Variants in ZNF396 observed in about 807,000 individuals in gnomAD.
ZNF396 encodes zinc finger and SCAN domain-containing protein 14.
A neutral mutation model predicts 20.5 loss-of-function variants in ZNF396; 14 were observed. That is an observed-to-expected ratio of 0.68 (90% confidence interval 0.45 to 1.07). ZNF396 has a LOEUF of 1.07. Ranked by LOEUF, ZNF396 falls within the 50% of genes least tolerant of loss-of-function variation. The pLI, the probability that ZNF396 is intolerant of heterozygous loss-of-function variation, is 0.00. For synonymous variants in ZNF396, 119 were observed against 140.6 expected (o/e 0.85, Z 1.08); for missense variants, 347 against 390.1 (o/e 0.89, Z 0.93).
Position 35,368,846 on chromosome 18 carries a change from A to G in ZNF396, c.*369T>C. 3.0e-6 allele frequency: 3 copies of G among 1,010,134 alleles called. No homozygotes were observed. Among genetic ancestry groups the G allele is most frequent in the Non-Finnish European group, 3.5e-6 (3 of 846,852 alleles). The allele number at this position is 1,010,134 out of a possible 1,614,324, so 62.6% of individuals were successfully genotyped here. ...AGAATGTCTATTTTTACACTGAGTA[A>G]CTCACACATTCCTTCTCAATGAGGG... On this transcript the variant is annotated 3_prime_UTR_variant, in exon 4 of 4. Coordinates refer to ENST00000589332, the MANE Select transcript of ZNF396 (RefSeq NM_001322286.2).
In ZNF396 at chr18:35,368,517, T is replaced by TATTTATTTATTA; in HGVS notation, c.*697_*698insTAATAAATAAAT. On this transcript the variant is annotated 3_prime_UTR_variant, in exon 4 of 4. Coordinates refer to ENST00000589332, the MANE Select transcript of ZNF396 (RefSeq NM_001322286.2). The stretch of plus-strand genomic sequence containing the variant: ...TTATTTATTTATTTATTTATTTATT[T>TATTTATTTATTA]TAAAGACGGAGTCTTGCTCTGTCTG... 1.4e-6 allele frequency: 1 copy of TATTTATTTATTA among 704,348 alleles called. No homozygotes were observed. The highest frequency in any genetic ancestry group is 1.9e-6 in the Non-Finnish European group (1 of 533,506). The allele number at this position is 704,348 out of a possible 1,614,324, so 43.6% of individuals were successfully genotyped here.
rs1598699316 is a variant in ZNF396 at position 35,368,839 on chromosome 18, C to T, written c.*376G>A. 3.0e-6 allele frequency: 3 copies of T among 1,004,408 alleles called. No homozygotes were observed. Among genetic ancestry groups the T allele is most frequent in the East Asian group, 2.0e-4 (2 of 9,950 alleles). The allele number at this position is 1,004,408 out of a possible 1,614,324, so 62.2% of individuals were successfully genotyped here. On this transcript the variant is annotated 3_prime_UTR_variant, in exon 4 of 4. Transcript: ENST00000589332. ...ATGGAGGAGAATGTCTATTTTTACA[C>T]TGAGTAACTCACACATTCCTTCTCA...
Position 35,368,867 on chromosome 18 carries a change from G to A in ZNF396, c.*348C>T, listed in dbSNP as rs1208439811. On this transcript the variant is annotated 3_prime_UTR_variant, in exon 4 of 4. Transcript: ENST00000589332. ...AGTAACTCACACATTCCTTCTCAATGAGGGAAAAAACATACTTGTCTAAAA... is the reference window on the plus strand; with the variant it reads ...AGTAACTCACACATTCCTTCTCAATAAGGGAAAAAACATACTTGTCTAAAA... 1 of 1,022,974 alleles carries A rather than the reference G, an allele frequency of 9.8e-7. No homozygotes were observed. Among genetic ancestry groups the A allele is most frequent in the East Asian group, 8.8e-5 (1 of 11,346 alleles). The allele number at this position is 1,022,974 out of a possible 1,614,324, so 63.4% of individuals were successfully genotyped here.
Position 35,368,304 on chromosome 18 carries a change from T to C in ZNF396, c.*911A>G. ...CCAACACGGGAAATTAACTTGATAT[T>C]AATAGTATGGAGGCTCTTGTGTGCT... is the stretch of plus-strand genomic sequence containing the variant. On this transcript the variant is annotated 3_prime_UTR_variant, in exon 4 of 4. Coordinates refer to ENST00000589332, the MANE Select transcript of ZNF396 (RefSeq NM_001322286.2). The C allele has an allele frequency of 9.4e-7, 1 of 1,068,594 alleles. No individual in the cohort carries two copies. Among genetic ancestry groups the C allele is most frequent in the Non-Finnish European group, 1.3e-6 (1 of 775,738 alleles). The allele number at this position is 1,068,594 out of a possible 1,614,324, so 66.2% of individuals were successfully genotyped here.
At chr18:35,376,326 C>T (rs546984770) in intron 1 of ZNF396, 2 of 152,284 alleles carry the variant, frequency 1.3e-5, no homozygotes, top group East Asian at 3.9e-4. Context: ...ATGTGCCAAG[C>T]ACTGTTTTGA....
rs1295274774 is a variant in ZNF396, at chr18:35,374,277, C to G, written c.16G>C (p.Gly6Arg). The change falls in exon 2 of 4, where the codon GGA becomes CGA. Residue 6 changes from glycine to arginine, a missense_variant. By Grantham distance (125) the Gly-to-Arg change is moderately radical. Coordinates refer to ENST00000589332, the MANE Select transcript of ZNF396 (RefSeq NM_001322286.2). The surrounding 1 kb of genome is among the most constrained non-coding windows in gnomAD (Gnocchi z 4.3). MSAKL[G>R]KSSSLLTQTS... ...TGTGTTAGGAGTGATGATGACTTTC[C>G]CAATTTTGCAGACATTTTGACAGAC... 3.7e-6 allele frequency: 6 copies of G among 1,613,456 alleles called. No homozygotes were observed. Among genetic ancestry groups the G allele is most frequent in the Non-Finnish European group, 5.1e-6 (6 of 1,179,888 alleles).
At position 35,373,592 on chromosome 18, in the gene ZNF396, A is replaced by G. The variant is rs766461610; in HGVS notation, c.426T>C (p.Phe142=). The G allele has an allele frequency of 1.6e-5, 26 of 1,612,936 alleles. No individual in the cohort carries two copies. Among genetic ancestry groups the G allele is most frequent in the Non-Finnish European group, 8.5e-7 (1 of 1,179,558 alleles). The change falls in exon 3 of 4, where the codon TTT becomes TTC. Residue 142 remains phenylalanine, a synonymous_variant. Coordinates refer to ENST00000589332, the MANE Select transcript of ZNF396 (RefSeq NM_001322286.2). ...CTGCAATCATGTCCTTCCTTCGTCC[A>G]AAAAAGATCTAAAAACAGGAATAAT... The part of the protein sequence containing the change: ...RELDGPKQIF[F]GRRKDMIAEK...
In ZNF396 at chr18:35,369,376, C is replaced by T. The variant is rs769759761; in HGVS notation, c.847G>A (p.Glu283Lys). The T allele has an allele frequency of 6.8e-6, 11 of 1,614,120 alleles. No individual in the cohort carries two copies. Among genetic ancestry groups the T allele is most frequent in the East Asian group, 6.7e-5 (3 of 44,904 alleles). The change falls in exon 4 of 4, where the codon GAG becomes AAG. Residue 283 changes from glutamate to lysine, a missense_variant. Glu to Lys is a moderately conservative substitution (Grantham distance 56). Coordinates refer to ENST00000589332, the MANE Select transcript of ZNF396 (RefSeq NM_001322286.2). ...HSGKKPYACD[E>K]CAKAFSRSAI... is the part of the protein sequence containing the mutation. ...CTTCGGCTGAATGCCTTTGCACACTCGTCACATGCATAAGGTTTCTTTCCA... is the reference window on the plus strand; with the variant it reads ...CTTCGGCTGAATGCCTTTGCACACTTGTCACATGCATAAGGTTTCTTTCCA...
At chr18:35,375,584 T>A (rs1279311496) in intron 1 of ZNF396, among the ~76,000 whole-genome samples, 1 of 152,072 alleles carries the variant, frequency 6.6e-6, no homozygotes, top group African/African-American at 2.4e-5. Context: ...AAAGACTGTA[T>A]CAATTCACAA....
chr18:35,373,639 G>A, intron 2 of ZNF396, 39 bp from the exon 3 acceptor site: 1 of 1,605,090 alleles, frequency 6.2e-7, no homozygotes, highest in African/African-American at 1.3e-5. Context: ...AACACCATCA[G>A]GTTGGGACTT....
At chr18:35,369,737 G>A in intron 3 of ZNF396, 77 bp from the exon 4 acceptor site, 1 of 1,399,844 alleles carries the variant, frequency 7.1e-7, no homozygotes, top group Non-Finnish European at 9.6e-7. Flanking sequence ...TTGCTAGCAT[G>A]TTTATAAAAC....
At position 35,368,487 on chromosome 18, in the gene ZNF396, T is replaced by TTTATTTATTTATTTAG; in HGVS notation, c.*727_*728insCTAAATAAATAAATAA. The stretch of plus-strand genomic sequence containing the variant: ...AAATAGGAATTTATTTTTATTTTTA[T>TTTATTTATTTATTTAG]TTATTTATTTATTTATTTATTTATT... On this transcript the variant is annotated 3_prime_UTR_variant, in exon 4 of 4. Coordinates refer to ENST00000589332, the MANE Select transcript of ZNF396 (RefSeq NM_001322286.2). The TTTATTTATTTATTTAG allele has an allele frequency of 1.5e-6, 1 of 664,952 alleles. No individual in the cohort carries two copies. Among genetic ancestry groups the TTTATTTATTTATTTAG allele is most frequent in the Non-Finnish European group, 2.0e-6 (1 of 495,068 alleles). 41.2% of individuals were successfully genotyped at this position (664,952 alleles called of 1,614,324 possible). A position where few individuals can be genotyped will look rare whatever the true frequency, so the allele number is the denominator to read the frequency against.
In ZNF396 at chr18:35,374,224, CA is replaced by C; in HGVS notation, c.68del (p.Leu23ArgfsTer48). The stretch of plus-strand genomic sequence containing the variant: ...GCTCTTCCTCTTCCATCTTCTCTGT[CA>C]GAATCCCATTACACTCCTCTGAAGT... ...TQTSEECNGILTEKMEEEEQT... is the reference protein window; with the variant it reads ...TQTSEECNGIXTEKMEEEEQT... On this transcript the variant is annotated frameshift_variant, in exon 2 of 4. Transcript: ENST00000589332. LOFTEE classifies it high-confidence loss of function. The surrounding 1 kb of genome is among the most constrained non-coding windows in gnomAD (Gnocchi z 4.3). 1 of 1,614,206 alleles carries C rather than the reference CA, an allele frequency of 6.2e-7. No individual in the cohort carries two copies. Among genetic ancestry groups the C allele is most frequent in the Non-Finnish European group, 8.5e-7 (1 of 1,180,044 alleles).
chr18:35,373,835 G>C, intron 2 of ZNF396, 41 bp downstream of exon 2: 1 of 1,575,880 alleles, frequency 6.3e-7, no homozygotes, highest in Non-Finnish European at 8.6e-7. Flanking sequence ...CAGTGCTCTT[G>C]ACTCAGCCTG....
intron 2 of ZNF396, 118 bp from the exon 3 acceptor site, chr18:35,373,718 T>C (rs938737063): frequency 2.7e-6 from 4 of 1,500,056 alleles, no homozygotes; most frequent in East Asian, 2.3e-5. Context: ...AGGGAAAAAG[T>C]AGAGCCACCT....
Position 35,377,319 on chromosome 18 carries a change from C to T in ZNF396, c.-114G>A, listed in dbSNP as rs4291985. The T allele has an allele frequency of 0.57, 86,807 of 151,976 alleles. 26,058 individuals are homozygous for T. Among genetic ancestry groups the T allele is most frequent in the African/African-American group, 0.73 (30,412 of 41,452 alleles). 9.4% of individuals were successfully genotyped at this position (151,976 alleles called of 1,614,324 possible). On this transcript the variant is annotated 5_prime_UTR_variant, in exon 1 of 4. Coordinates refer to ENST00000589332, the MANE Select transcript of ZNF396 (RefSeq NM_001322286.2). ...GGAGAAACCGGGGAACTGCCAGCTG[C>T]GCAACAACTTCCGGTTCTGGTGGCG... is the stretch of plus-strand genomic sequence containing the variant.
chr18:35,368,592 C>A lies in ZNF396; in HGVS notation c.*623G>T. The A allele has an allele frequency of 8.7e-6, 4 of 461,866 alleles. No individual in the cohort carries two copies. The highest frequency in any genetic ancestry group is 1.2e-5 in the Non-Finnish European group (4 of 340,434). 28.6% of individuals were successfully genotyped at this position (461,866 alleles called of 1,614,324 possible). A position where few individuals can be genotyped will look rare whatever the true frequency, so the allele number is the denominator to read the frequency against. ...TCAGCCTCCCTAGTAGCTGGGATTACAGGTACACGTTGCCATGCCTGGCTA... is the reference window on the plus strand; with the variant it reads ...TCAGCCTCCCTAGTAGCTGGGATTAAAGGTACACGTTGCCATGCCTGGCTA... On this transcript the variant is annotated 3_prime_UTR_variant, in exon 4 of 4. Transcript: ENST00000589332.
chr18:35,372,211 G>C (rs1242355941), intron 3 of ZNF396: 1 of 152,018 alleles, frequency 6.6e-6, no homozygotes, highest in Non-Finnish European at 1.5e-5. Flanking sequence ...TGCCACACCT[G>C]GCTTTGAGGT....
In ZNF396 at chr18:35,370,504, ATTTTTTTT is replaced by A. The variant is rs35532616; in HGVS notation, c.563-852_563-845del. 5.1e-3 allele frequency among the ~76,000 whole-genome samples: 417 copies of A among 81,774 alleles called. 8 individuals are homozygous for A. The highest frequency in any genetic ancestry group is 0.012 in the Middle Eastern group (1 of 82). 53.6% of individuals were successfully genotyped at this position (81,774 alleles called of 152,430 possible). ...TCACTTCAGTTATCCTCATGGTGGC[ATTTTTTTT>A]TTTTTTTTTTTTTTTTTTGAGACGG... On this transcript the variant is annotated intron_variant, in intron 3 of 3. Coordinates refer to ENST00000589332, the MANE Select transcript of ZNF396 (RefSeq NM_001322286.2).
Sources: gnomAD v4.1 joint callset for allele counts (sites outside exome capture counted in the v4.1 genomes callset) on GRCh38, gnomAD v4.1.1 for gene constraint, Gnocchi (gnomAD v3.1) non-coding constraint, MANE v1.5 for transcripts, NCBI Gene and HGNC (gene_info 2026-07-23, HGNC 2026-07-21) for gene names.